Variants in ERC2 observed in about 807,000 individuals in gnomAD.
ERC2 encodes ELKS/RAB6-interacting/CAST family member 2.
ERC2 carries 42 observed loss-of-function variants against 114.8 expected under a neutral mutation model. The ratio of observed to expected loss-of-function variants is 0.37; its 90% CI spans 0.29 to 0.47. The LOEUF is 0.47. Among genes scored for constraint, ERC2 ranks in the 20% least tolerant of loss-of-function variants. The pLI, the probability that ERC2 is intolerant of heterozygous loss-of-function variation, is 0.99. For synonymous variants in ERC2, 454 were observed against 425.5 expected, an observed-to-expected ratio of 1.07 and a Z score of -0.82; for missense variants, 939 against 1,150.7, an observed-to-expected ratio of 0.82 and a Z score of 2.66.
chr3:56,379,645 G>A (rs1452478424), intron 2 of ERC2, among the ~76,000 whole-genome samples: 1 of 152,102 alleles, frequency 6.6e-6, no homozygotes, highest in Non-Finnish European at 1.5e-5. Context: ...TCAACAAGAG[G>A]GAGTAAAAGA....
chr3:56,453,194 G>T (rs61435282), intron 1 of ERC2, among the ~76,000 whole-genome samples: 10,100 of 152,214 alleles, frequency 0.066, 638 homozygotes, highest in African/African-American at 0.16. Flanking sequence ...CATCTGGCTT[G>T]GCCGTATGAC....
intron 8 of ERC2, among the ~76,000 whole-genome samples, chr3:56,015,184 A>G (rs2073221582): frequency 1.3e-5 from 2 of 152,106 alleles, no homozygotes. Context: ...ATCTTACAAA[A>G]GCCTCATTTT....
chr3:55,722,207 A>G (rs1356818837), intron 15 of ERC2, among the ~76,000 whole-genome samples: 1 of 148,414 alleles, frequency 6.7e-6, no homozygotes, highest in Non-Finnish European at 1.5e-5. Flanking sequence ...CAGAGATAAG[A>G]GAATGGGGTT....
intron 2 of ERC2, among the ~76,000 whole-genome samples, chr3:56,319,586 T>C (rs1254820067): frequency 6.6e-6 from 1 of 152,174 alleles, no homozygotes; most frequent in Non-Finnish European, 1.5e-5. Context: ...CCATATTGTA[T>C]TGTACACTCA....
At chr3:55,741,690 A>T (rs1441936583) in intron 14 of ERC2, among the ~76,000 whole-genome samples, 1 of 152,186 alleles carries the variant, frequency 6.6e-6, no homozygotes, top group East Asian at 1.9e-4. Flanking sequence ...GAACATTGCC[A>T]TCCTCAAGTA....
chr3:55,983,021 C>A (rs557687284), intron 12 of ERC2, among the ~76,000 whole-genome samples: 1 of 152,196 alleles, frequency 6.6e-6, no homozygotes, highest in Non-Finnish European at 1.5e-5. Flanking sequence ...GCAGTGCACG[C>A]GGTCCATCAC....
At chr3:56,097,842 T>C (rs1317744788) in intron 6 of ERC2, among the ~76,000 whole-genome samples, 2 of 152,220 alleles carry the variant, frequency 1.3e-5, no homozygotes, top group African/African-American at 4.8e-5. Flanking sequence ...TCAGCAAACC[T>C]GGTCACTAGG....
chr3:55,699,237 A>G lies in ERC2; in HGVS notation c.2847+141T>C, dbSNP rs140254531. 1.0e-4 allele frequency: 113 copies of G among 1,083,976 alleles called. 1 individual carries two copies. In the East Asian group the frequency reaches 2.9e-3, roughly 28 times the overall value. The allele number at this position is 1,083,976 out of a possible 1,614,324, so 67.1% of individuals were successfully genotyped here. A position where few individuals can be genotyped will look rare whatever the true frequency, so the allele number is the denominator to read the frequency against. On this transcript the variant is annotated intron_variant, in intron 16 of 17. Coordinates refer to ENST00000288221, the MANE Select transcript of ERC2 (RefSeq NM_015576.3). The stretch of plus-strand genomic sequence containing the variant: ...AACATTTAGATTCCTTGACTGATGG[A>G]AATAAATACCAAAGCTATTAGTTTC...
intron 3 of ERC2, among the ~76,000 whole-genome samples, chr3:56,177,585 T>C (rs1046985891): frequency 6.6e-6 from 1 of 152,110 alleles, no homozygotes; most frequent in Non-Finnish European, 1.5e-5. Flanking sequence ...GCAAGCAAAA[T>C]GGTGTGCACC....
chr3:56,308,368 TA>T (rs1441768162), intron 2 of ERC2, among the ~76,000 whole-genome samples: 1 of 152,190 alleles, frequency 6.6e-6, no homozygotes, highest in East Asian at 1.9e-4. Flanking sequence ...TACAAGAAAC[TA>T]AGCCCTACTT....
chr3:55,734,710 C>G (rs893689580), intron 15 of ERC2, 61 bp downstream of exon 15: 15 of 1,548,332 alleles, frequency 9.7e-6, no homozygotes, highest in Non-Finnish European at 1.3e-5. Flanking sequence ...GGCTAAAATC[C>G]AGAGAAAGCC....
intron 2 of ERC2, among the ~76,000 whole-genome samples, chr3:56,308,399 G>A (rs1470106533): frequency 6.6e-6 from 1 of 152,102 alleles, no homozygotes; most frequent in Non-Finnish European, 1.5e-5. Context: ...TAAAAAAGAA[G>A]GAAAAATACA....
chr3:56,108,413 T>A (rs1337572776), intron 6 of ERC2, among the ~76,000 whole-genome samples: 1 of 152,144 alleles, frequency 6.6e-6, no homozygotes, highest in Non-Finnish European at 1.5e-5. Flanking sequence ...AAGATAATAT[T>A]ATTTGCCTTA....
At chr3:55,931,135 GGCTTTT>G (rs1327925049) in intron 13 of ERC2, among the ~76,000 whole-genome samples, 1 of 152,172 alleles carries the variant, frequency 6.6e-6, no homozygotes, top group Non-Finnish European at 1.5e-5. Context: ...GAAATAGGGA[GGCTTTT>G]ACACTGTTGG....
At chr3:55,837,498 G>C (rs188170803) in intron 14 of ERC2, among the ~76,000 whole-genome samples, 13 of 151,002 alleles carry the variant, frequency 8.6e-5, no homozygotes, top group African/African-American at 3.2e-4. Flanking sequence ...GCAAACTGTC[G>C]CAAGGACAAA....
At chr3:55,864,535 A>G (rs1200077556) in intron 14 of ERC2, among the ~76,000 whole-genome samples, 2 of 152,144 alleles carry the variant, frequency 1.3e-5, no homozygotes, top group Admixed American at 6.6e-5. Context: ...TTCATTAACT[A>G]TTAACACACT....
At chr3:56,381,857 T>C (rs1249507729) in intron 2 of ERC2, among the ~76,000 whole-genome samples, 1 of 151,968 alleles carries the variant, frequency 6.6e-6, no homozygotes, top group Non-Finnish European at 1.5e-5. Flanking sequence ...AATCTGAAAT[T>C]CTCAAAATCC....
At chr3:56,057,256 T>C (rs1040898101) in intron 7 of ERC2, among the ~76,000 whole-genome samples, 8 of 152,240 alleles carry the variant, frequency 5.3e-5, no homozygotes, top group African/African-American at 1.9e-4. Context: ...TATTGTTTGC[T>C]GTGCAGTCAT....
At chr3:55,839,204 G>C (rs944630722) in intron 14 of ERC2, among the ~76,000 whole-genome samples, 7 of 151,372 alleles carry the variant, frequency 4.6e-5, no homozygotes, top group Admixed American at 2.6e-4. Flanking sequence ...AAAGAAAAAA[G>C]AATCAGCCAA....
Sources: allele counts gnomAD v4.1 joint callset (sites outside exome capture counted in the v4.1 genomes callset), GRCh38; gene constraint gnomAD v4.1.1; transcripts MANE v1.5; gene names NCBI Gene and HGNC (gene_info 2026-07-23, HGNC 2026-07-21).